Variants in IL1RL2 observed in about 807,000 individuals in gnomAD.
IL1RL2 encodes interleukin 1 receptor like 2.
IL1RL2 carries 68 observed loss-of-function variants against 66.8 expected under a neutral mutation model. That is an observed-to-expected ratio of 1.02 (90% confidence interval 0.84 to 1.25). The LOEUF is 1.25. Ranked by LOEUF, IL1RL2 falls within the 50% of genes most tolerant of loss-of-function variation. IL1RL2 has a pLI of 0.00. For synonymous variants in IL1RL2, 305 were observed against 264.6 expected (o/e 1.15, Z -1.48); for missense variants, 729 against 709.3 (o/e 1.03, Z -0.32).
chr2:102,198,734 G>A (rs1687990565), intron 4 of IL1RL2, among the ~76,000 whole-genome samples: 1 of 151,826 alleles, frequency 6.6e-6, no homozygotes, highest in Admixed American at 6.6e-5. Flanking sequence ...AGGATTTGAG[G>A]TTCCCCATGG....
At chr2:102,220,137 C>G in intron 8 of IL1RL2, 120 bp downstream of exon 8, 1 of 836,094 alleles carries the variant, frequency 1.2e-6, no homozygotes, top group Non-Finnish European at 1.7e-6. Flanking sequence ...ATTAAAGGGA[C>G]AAACTCAGTA....
intron 10 of IL1RL2, 107 bp downstream of exon 10, chr2:102,233,231 C>G: frequency 9.1e-7 from 1 of 1,102,058 alleles, no homozygotes; most frequent in East Asian, 2.5e-5. Context: ...CCCCATGGAA[C>G]CACAGAGAGT....
At chr2:102,191,506 A>G (rs1687230570) in intron 3 of IL1RL2, among the ~76,000 whole-genome samples, 1 of 152,090 alleles carries the variant, frequency 6.6e-6, no homozygotes, top group African/African-American at 2.4e-5. Flanking sequence ...ACAGTTCCTC[A>G]GTCTTTGTTT....
chr2:102,225,159 T>G (rs1690490882), intron 8 of IL1RL2, among the ~76,000 whole-genome samples: 1 of 152,228 alleles, frequency 6.6e-6, no homozygotes, highest in East Asian at 1.9e-4. Context: ...GGAACATGTT[T>G]TCAGGGACTT....
At chr2:102,200,891 G>T (rs1026545745) in intron 4 of IL1RL2, among the ~76,000 whole-genome samples, 1 of 152,134 alleles carries the variant, frequency 6.6e-6, no homozygotes, top group Non-Finnish European at 1.5e-5. Flanking sequence ...GAAGTGATGT[G>T]ACATCTGCCC....
At position 102,187,090 on chromosome 2, in the gene IL1RL2, GA is replaced by G; in HGVS notation, c.-13+5del. On this transcript the variant is annotated splice_donor_5th_base_variant and intron_variant, in intron 1 of 11. Coordinates refer to ENST00000264257, the MANE Select transcript of IL1RL2 (RefSeq NM_003854.4). The stretch of plus-strand genomic sequence containing the variant: ...CGCGCTTCAATCCTGCAGGCAGGTA[GA>G]CACCGGGCCGGGAGTCTGGCTGAGC... 1 of 1,289,888 alleles carries G rather than the reference GA, an allele frequency of 7.8e-7. No homozygotes were observed. Among genetic ancestry groups the G allele is most frequent in the Non-Finnish European group, 1.0e-6 (1 of 988,862 alleles). 79.9% of individuals were successfully genotyped at this position (1,289,888 alleles called of 1,614,324 possible). A position where few individuals can be genotyped will look rare whatever the true frequency, so the allele number is the denominator to read the frequency against.
intron 4 of IL1RL2, among the ~76,000 whole-genome samples, chr2:102,195,256 T>C (rs17769234): frequency 0.014 from 2,206 of 152,334 alleles, 36 homozygotes; most frequent in East Asian, 0.077. Context: ...TAATGCAGTC[T>C]GATGTATTGA....
Position 102,206,367 on chromosome 2 carries a change from C to T in IL1RL2, c.649+4652C>T, listed in dbSNP as rs187596663. 7.5e-4 allele frequency among the ~76,000 whole-genome samples: 114 copies of T among 152,274 alleles called. 2 individuals are homozygous for T. Among genetic ancestry groups the T allele is most frequent in the African/African-American group, 2.7e-3 (112 of 41,540 alleles). On this transcript the variant is annotated intron_variant, in intron 5 of 11. Transcript: ENST00000264257. The stretch of plus-strand genomic sequence containing the variant: ...TTTATTGTAGTCTTCACTCTCTGGA[C>T]TTATTTGTACTTGTCCTTCTTGGGA...
intron 11 of IL1RL2, among the ~76,000 whole-genome samples, chr2:102,237,560 C>A (rs1275392790): frequency 2.0e-5 from 3 of 151,994 alleles, no homozygotes; most frequent in African/African-American, 4.8e-5. Flanking sequence ...CTCTTGGGTG[C>A]AATAGGAGAA....
At chr2:102,211,717 A>T (rs953470638) in intron 5 of IL1RL2, among the ~76,000 whole-genome samples, 1 of 152,242 alleles carries the variant, frequency 6.6e-6, no homozygotes, top group Non-Finnish European at 1.5e-5. Context: ...TGAAGGTAAA[A>T]CAAGAGGGTT....
intron 3 of IL1RL2, 118 bp from the exon 4 acceptor site, chr2:102,191,807 G>A: frequency 1.5e-6 from 1 of 667,936 alleles, no homozygotes; most frequent in South Asian, 2.0e-5. Context: ...TGCTTTGTTA[G>A]AGGCAGAGGG....
intron 5 of IL1RL2, among the ~76,000 whole-genome samples, chr2:102,202,198 C>A (rs1327747246): frequency 2.0e-5 from 3 of 152,100 alleles, no homozygotes; most frequent in Non-Finnish European, 4.4e-5. Context: ...CAGCCCAGAG[C>A]AGCCAGCTCT....
chr2:102,232,190 A>C (rs987984212), intron 9 of IL1RL2, among the ~76,000 whole-genome samples: 7 of 148,980 alleles, frequency 4.7e-5, no homozygotes, highest in African/African-American at 1.7e-4. Context: ...CGGCTCACTG[A>C]AACCTTCGCC....
At chr2:102,242,052 A>T (rs1298360808), downstream of IL1RL2, among the ~76,000 whole-genome samples, 3 of 152,236 alleles carry the variant, frequency 2.0e-5, no homozygotes, top group South Asian at 4.1e-4. Flanking sequence ...AGTTAAAAAA[A>T]TTTTTAAAAA....
intron 6 of IL1RL2, among the ~76,000 whole-genome samples, chr2:102,218,095 CAAAA>C (rs1002079929): frequency 6.6e-6 from 1 of 151,672 alleles, no homozygotes; most frequent in Non-Finnish European, 1.5e-5. Flanking sequence ...AACAAACAAA[CAAAA>C]AACAAAAAAC....
Position 102,235,476 on chromosome 2 carries a change from C to T in IL1RL2, c.1678+199C>T, listed in dbSNP as rs990181309. ...AGAGCTGCTTCTTCAGGGAAACACA[C>T]GGCTTCTGCAGAAGGCCCTCTTTAG... On this transcript the variant is annotated intron_variant, in intron 11 of 11. Coordinates refer to ENST00000264257, the MANE Select transcript of IL1RL2 (RefSeq NM_003854.4). The T allele has an allele frequency of 4.0e-5, 39 of 985,336 alleles. No individual in the cohort carries two copies. The African/African-American group carries it at 4.0e-4, about 10-fold the overall frequency. 61.0% of individuals were successfully genotyped at this position (985,336 alleles called of 1,614,324 possible). A position where few individuals can be genotyped will look rare whatever the true frequency, so the allele number is the denominator to read the frequency against.
At chr2:102,232,552 C>T (rs1172152580) in intron 9 of IL1RL2, among the ~76,000 whole-genome samples, 2 of 152,198 alleles carry the variant, frequency 1.3e-5, no homozygotes, top group African/African-American at 4.8e-5. Flanking sequence ...TCTTGAATTC[C>T]TGGCCTCAAG....
At chr2:102,233,276 C>G in intron 10 of IL1RL2, 152 bp downstream of exon 10, 1 of 743,950 alleles carries the variant, frequency 1.3e-6, no homozygotes, top group Non-Finnish European at 2.1e-6. Flanking sequence ...CAGCCCCCAG[C>G]CCCCAGCCAA....
At chr2:102,188,444 C>T (rs1805232) in intron 2 of IL1RL2, among the ~76,000 whole-genome samples, 151,198 of 152,008 alleles carry the variant, frequency 0.99, 75,200 homozygotes, top group Middle Eastern at 1. Flanking sequence ...AAAAATTAGC[C>T]GGGCGCGGTG....
Sources: gnomAD v4.1 joint callset for allele counts (sites outside exome capture counted in the v4.1 genomes callset) on GRCh38, gnomAD v4.1.1 for gene constraint, MANE v1.5 for transcripts, NCBI Gene and HGNC (gene_info 2026-07-23, HGNC 2026-07-21) for gene names.